The following ST6GALNAC3 variants were observed in gnomAD, a reference collection of about 807,000 sequenced individuals.
The protein encoded by ST6GALNAC3 is alpha-N-acetylgalactosaminide alpha-2,6-sialyltransferase 3.
In ST6GALNAC3, 25 loss-of-function variants were observed where a neutral mutation model predicts 32.7. That is an observed-to-expected ratio of 0.76 (90% CI 0.56 to 1.07). The LOEUF is 1.07. Ranked by LOEUF, ST6GALNAC3 falls within the 50% of genes least tolerant of loss-of-function variation. The pLI is 0.00. For missense variants in ST6GALNAC3, 355 were observed against 382.4 expected, an observed-to-expected ratio of 0.93 and a Z score of 0.60; for synonymous variants, 129 against 133.1, an observed-to-expected ratio of 0.97 and a Z score of 0.21.
intron 1 of ST6GALNAC3, among the ~76,000 whole-genome samples, chr1:76,138,737 T>A (rs1650106729): frequency 6.6e-6 from 1 of 152,212 alleles, no homozygotes; most frequent in Non-Finnish European, 1.5e-5. Flanking sequence ...GTAGAGTGCC[T>A]TTTTACATTT....
chr1:76,505,100 G>A (rs1021341485), intron 3 of ST6GALNAC3, among the ~76,000 whole-genome samples: 1 of 151,500 alleles, frequency 6.6e-6, no homozygotes, highest in East Asian at 1.9e-4. Flanking sequence ...TTTTAGTAGC[G>A]ATAGAAGCAG....
At chr1:76,112,188 C>A (rs1382709752) in intron 1 of ST6GALNAC3, among the ~76,000 whole-genome samples, 1 of 141,208 alleles carries the variant, frequency 7.1e-6, no homozygotes, top group Non-Finnish European at 1.5e-5. Flanking sequence ...CCAGTAGGGG[C>A]GGCCGGGCAG....
intron 2 of ST6GALNAC3, among the ~76,000 whole-genome samples, chr1:76,368,923 T>C (rs558708394): frequency 6.6e-5 from 10 of 152,322 alleles, no homozygotes; most frequent in African/African-American, 2.4e-4. Flanking sequence ...CACCCACTGC[T>C]CTGCTGTCTC....
At chr1:76,466,862 TAAG>T (rs1309808869) in intron 3 of ST6GALNAC3, among the ~76,000 whole-genome samples, 2 of 152,104 alleles carry the variant, frequency 1.3e-5, no homozygotes, top group Non-Finnish European at 2.9e-5. Flanking sequence ...TGCATATAGA[TAAG>T]AAGCAGACTT....
At position 76,520,256 on chromosome 1, in the gene ST6GALNAC3, A is replaced by G. The variant is rs553459091; in HGVS notation, c.624-107196A>G. The stretch of plus-strand genomic sequence containing the variant: ...TACTAGTAACAGGAGCCTTCGTTCT[A>G]TGTACTAGACAAGGGAAGAGAGACA... On this transcript the variant is annotated intron_variant, in intron 3 of 4. Coordinates refer to ENST00000328299, the MANE Select transcript of ST6GALNAC3 (RefSeq NM_152996.4). 7.9e-5 allele frequency among the ~76,000 whole-genome samples: 12 copies of G among 152,276 alleles called. No individual in the cohort carries two copies. In the East Asian group the frequency reaches 2.3e-3, roughly 29 times the overall value.
At chr1:76,510,044 AG>A (rs1444455776) in intron 3 of ST6GALNAC3, among the ~76,000 whole-genome samples, 2 of 152,206 alleles carry the variant, frequency 1.3e-5, no homozygotes, top group African/African-American at 4.8e-5. Context: ...GGTGACAGAA[AG>A]TAAGTGTTTG....
intron 3 of ST6GALNAC3, among the ~76,000 whole-genome samples, chr1:76,619,059 G>GA (rs11345472): frequency 6.6e-6 from 1 of 150,624 alleles, no homozygotes; most frequent in South Asian, 2.1e-4. Flanking sequence ...GGACTGTTAA[G>GA]AAAAAAATCA....
At chr1:76,185,827 T>C (rs547732569) in intron 1 of ST6GALNAC3, among the ~76,000 whole-genome samples, 1 of 152,272 alleles carries the variant, frequency 6.6e-6, no homozygotes, top group Admixed American at 6.5e-5. Flanking sequence ...GGGAAAAAAA[T>C]ATATGTCTGT....
At chr1:76,421,701 C>T (rs993057864) in intron 3 of ST6GALNAC3, among the ~76,000 whole-genome samples, 1 of 151,966 alleles carries the variant, frequency 6.6e-6, no homozygotes, top group East Asian at 1.9e-4. Context: ...TTTTTAAATG[C>T]CTTCATGATG....
chr1:76,372,173 C>T (rs1650876335), intron 2 of ST6GALNAC3, among the ~76,000 whole-genome samples: 1 of 152,114 alleles, frequency 6.6e-6, no homozygotes, highest in African/African-American at 2.4e-5. Flanking sequence ...GAAGCAGAGA[C>T]AGCAGCTTTC....
chr1:76,588,876 T>C (rs1453057304), intron 3 of ST6GALNAC3, among the ~76,000 whole-genome samples: 2 of 152,218 alleles, frequency 1.3e-5, no homozygotes. Flanking sequence ...TACCACATCC[T>C]AGAAGCAGTG....
At chr1:76,160,126 T>C (rs1257489890) in intron 1 of ST6GALNAC3, among the ~76,000 whole-genome samples, 1 of 152,262 alleles carries the variant, frequency 6.6e-6, no homozygotes, top group Non-Finnish European at 1.5e-5. Context: ...AAAGGAATTG[T>C]ATTCCAAGTA....
chr1:76,572,543 C>A (rs561551471), intron 3 of ST6GALNAC3, among the ~76,000 whole-genome samples: 1 of 152,102 alleles, frequency 6.6e-6, no homozygotes, highest in Non-Finnish European at 1.5e-5. Flanking sequence ...CCTTCCCCCA[C>A]CAGTTTCTGG....
intron 3 of ST6GALNAC3, among the ~76,000 whole-genome samples, chr1:76,545,679 G>A (rs933131292): frequency 2.7e-5 from 4 of 148,498 alleles, no homozygotes; most frequent in Admixed American, 2.0e-4. Context: ...TTTTTGAGAC[G>A]GAGTTTCACT....
intron 1 of ST6GALNAC3, among the ~76,000 whole-genome samples, chr1:76,297,249 A>G (rs12739512): frequency 0.12 from 17,534 of 152,102 alleles, 1,094 homozygotes; most frequent in Middle Eastern, 0.17. Context: ...TCTCTTGACA[A>G]TAATTTAAAA....
At chr1:76,214,126 C>T (rs948955364) in intron 1 of ST6GALNAC3, among the ~76,000 whole-genome samples, 6 of 152,028 alleles carry the variant, frequency 3.9e-5, no homozygotes, top group Non-Finnish European at 7.4e-5. Context: ...AGCCGCACAG[C>T]CCAATATGGC....
intron 3 of ST6GALNAC3, among the ~76,000 whole-genome samples, chr1:76,558,169 G>C (rs974428353): frequency 6.6e-6 from 1 of 152,150 alleles, no homozygotes; most frequent in African/African-American, 2.4e-5. Context: ...CAGCCACTGT[G>C]GAAAGCAGTT....
chr1:76,316,019 C>A (rs1646857909), intron 2 of ST6GALNAC3, among the ~76,000 whole-genome samples: 1 of 151,976 alleles, frequency 6.6e-6, no homozygotes, highest in Non-Finnish European at 1.5e-5. Context: ...CATTAGTAAT[C>A]ATGGTTTTAC....
chr1:76,341,216 G>C (rs1358368461), intron 2 of ST6GALNAC3, among the ~76,000 whole-genome samples: 1 of 151,702 alleles, frequency 6.6e-6, no homozygotes, highest in East Asian at 2.0e-4. Context: ...CCTCCGTTTT[G>C]GTTGACAGAG....
Sources: allele counts gnomAD v4.1 joint callset (sites outside exome capture counted in the v4.1 genomes callset), GRCh38; gene constraint gnomAD v4.1.1; transcripts MANE v1.5; gene names NCBI Gene and HGNC (gene_info 2026-07-23, HGNC 2026-07-21).